The following IL18RAP variants were observed in gnomAD, a reference collection of about 807,000 sequenced individuals.
IL18RAP encodes the protein interleukin 18 receptor accessory protein.
A neutral mutation model predicts 58.1 loss-of-function variants in IL18RAP; 37 were observed. The ratio of observed to expected loss-of-function variants is 0.64; its 90% CI spans 0.49 to 0.84. The LOEUF is 0.84. Among genes scored for constraint, IL18RAP ranks in the 40% least tolerant of loss-of-function variants. IL18RAP has a pLI of 0.00. For missense variants in IL18RAP, 667 were observed against 704.8 expected, an observed-to-expected ratio of 0.95 and a Z score of 0.61; for synonymous variants, 268 against 257.5, an observed-to-expected ratio of 1.04 and a Z score of -0.39.
At chr2:102,441,481 G>C in intron 5 of IL18RAP, 104 bp downstream of exon 5, 1 of 874,608 alleles carries the variant, frequency 1.1e-6, no homozygotes, top group South Asian at 1.5e-5. Flanking sequence ...AACAGAATTG[G>C]GTGTGAATCT....
chr2:102,422,726 T>C (rs1198386783), upstream of IL18RAP, among the ~76,000 whole-genome samples: 1 of 152,146 alleles, frequency 6.6e-6, no homozygotes, highest in Non-Finnish European at 1.5e-5. Flanking sequence ...GAGAGGTAGG[T>C]GGCCTCTATT....
chr2:102,423,326 A>T lies in IL18RAP; in HGVS notation c.49A>T (p.Ile17Phe). ...TCTTTGGCTTGTTGCAGGAGAGCGA[A>T]TTAAAGGATTTAATATTTCAGGTAG... Reference protein sequence around the residue: ...IFLWLVAGERIKGFNISGCST... With the variant: ...IFLWLVAGERFKGFNISGCST... The change falls in exon 1 of 10, where the codon ATT (isoleucine) becomes TTT (phenylalanine). Residue 17 changes from isoleucine (I) to phenylalanine (F), a missense_variant. Coordinates refer to ENST00000687160, the MANE Select transcript of IL18RAP (RefSeq NM_001393487.1). The T allele has an allele frequency of 6.2e-7, 1 of 1,614,060 alleles. No individual in the cohort carries two copies. The highest frequency in any genetic ancestry group is 2.2e-5 in the East Asian group (1 of 44,892).
At position 102,450,893 on chromosome 2, in the gene IL18RAP, C is replaced by A. The variant is rs1683720684; in HGVS notation, c.1256C>A (p.Ser419Tyr). 6.2e-7 allele frequency: 1 copy of A among 1,610,404 alleles called. No homozygotes were observed. Among genetic ancestry groups the A allele is most frequent in the East Asian group, 2.2e-5 (1 of 44,844 alleles). The change falls in exon 9 of 10, where the codon TCT (serine) becomes TAT (tyrosine). Residue 419 changes from serine to tyrosine, a missense_variant. By Grantham distance (144) the Ser-to-Tyr change is moderately radical. Transcript: ENST00000687160. Reference protein sequence around the residue: ...DAFVSYAKWSSFPSEATSSLS... With the variant: ...DAFVSYAKWSYFPSEATSSLS... ...TTCGTATCCTATGCAAAATGGAGCT[C>A]TTTTCCAAGTGAGGCCACTTCATCT...
rs1683833960 is a variant in IL18RAP, at chr2:102,452,486, G to C, written c.*305G>C. On this transcript the variant is annotated 3_prime_UTR_variant, in exon 10 of 10. Coordinates refer to ENST00000687160, the MANE Select transcript of IL18RAP (RefSeq NM_001393487.1). ...TACAGCTACTTCTGCCTTATGGCTA[G>C]GGAACTGTCATGTCTACCATGTATT... The C allele has an allele frequency of 3.0e-6, 1 of 332,478 alleles. No homozygotes were observed. The highest frequency in any genetic ancestry group is 9.2e-5 in the South Asian group (1 of 10,858). 20.6% of individuals were successfully genotyped at this position (332,478 alleles called of 1,614,324 possible).
intron 3 of IL18RAP, among the ~76,000 whole-genome samples, chr2:102,428,789 C>T (rs2104311581): frequency 6.6e-6 from 1 of 151,850 alleles, no homozygotes; most frequent in Non-Finnish European, 1.5e-5. Context: ...TTAATCTGTT[C>T]TTAGAGGAAA....
chr2:102,449,342 C>A (rs1377669005), intron 8 of IL18RAP, among the ~76,000 whole-genome samples: 9 of 152,088 alleles, frequency 5.9e-5, no homozygotes, highest in Non-Finnish European at 1.2e-4. Context: ...ACTAGAAATC[C>A]TTAAGAGAAA....
chr2:102,418,816 A>G (rs1300017740), upstream of IL18RAP: 1 of 152,354 alleles, frequency 6.6e-6, no homozygotes, highest in Non-Finnish European at 1.5e-5. Context: ...GAAGAAATAT[A>G]GTAGAACCCT....
chr2:102,451,778 A>G lies in IL18RAP; in HGVS notation c.1397A>G (p.Asp466Gly). 3 of 1,611,068 alleles carry G rather than the reference A, an allele frequency of 1.9e-6. No homozygotes were observed. Among genetic ancestry groups the G allele is most frequent in the Non-Finnish European group, 1.7e-6 (2 of 1,177,868 alleles). The change falls in exon 10 of 10, where the codon GAC becomes GGC. Residue 466 changes from aspartate to glycine, a missense_variant. Physicochemically the swap from Asp to Gly is moderately conservative, Grantham distance 94. Transcript: ENST00000687160. Reference protein sequence around the residue: ...DVAPGGVYAEDIVSIIKRSRR... With the variant: ...DVAPGGVYAEGIVSIIKRSRR... ...GTTTTATTTCCAGTGTATGCAGAAG[A>G]CATTGTGAGCATTATTAAGAGAAGC...
upstream of IL18RAP, among the ~76,000 whole-genome samples, chr2:102,421,487 A>T (rs572363517): frequency 1.2e-3 from 190 of 152,224 alleles, 2 homozygotes; most frequent in African/African-American, 4.5e-3. Flanking sequence ...CTGGTGGTGG[A>T]GTTGGAGGAC....
At chr2:102,437,186 T>C in intron 3 of IL18RAP, 26 bp from the exon 4 acceptor site, 1 of 1,581,292 alleles carries the variant, frequency 6.3e-7, no homozygotes, top group Non-Finnish European at 8.6e-7. Flanking sequence ...GGCAAATTTA[T>C]CTGCTTAAAA....
At chr2:102,441,753 G>A (rs1023170238) in intron 5 of IL18RAP, among the ~76,000 whole-genome samples, 3 of 151,840 alleles carry the variant, frequency 2.0e-5, no homozygotes, top group Middle Eastern at 3.2e-3. Flanking sequence ...CCGGGCGTGG[G>A]TGTGGGTGCC....
chr2:102,436,035 A>G (rs1044413636), intron 3 of IL18RAP, among the ~76,000 whole-genome samples: 1 of 152,168 alleles, frequency 6.6e-6, no homozygotes, highest in South Asian at 2.1e-4. Context: ...TAATTGTATT[A>G]TTAGAATGGG....
chr2:102,423,966 A>G lies in IL18RAP; in HGVS notation c.226A>G (p.Ser76Gly). The change falls in exon 2 of 10, where the codon AGT becomes GGT. Residue 76 changes from serine (S) to glycine (G), a missense_variant. Ser to Gly is a moderately conservative substitution (Grantham distance 56). Coordinates refer to ENST00000687160, the MANE Select transcript of IL18RAP (RefSeq NM_001393487.1). ...QVPEHLPFMGSNDLSDVQWYQ... is the reference protein window; with the variant it reads ...QVPEHLPFMGGNDLSDVQWYQ... ...CCCTGAGCACCTGCCCTTCATGGGT[A>G]GTAACGACCTATCTGATGTCCAATG... 1 of 1,614,106 alleles carries G rather than the reference A, an allele frequency of 6.2e-7. No homozygotes were observed. Among genetic ancestry groups the G allele is most frequent in the Non-Finnish European group, 8.5e-7 (1 of 1,180,000 alleles).
intron 9 of IL18RAP, 69 bp downstream of exon 9, chr2:102,451,090 T>G: frequency 7.8e-7 from 1 of 1,287,316 alleles, no homozygotes; most frequent in Non-Finnish European, 1.1e-6. Context: ...CAAGTCTTTT[T>G]TGTCATTCTT....
At position 102,423,950 on chromosome 2, in the gene IL18RAP, C is replaced by T. The variant is rs1217804211; in HGVS notation, c.210C>T (p.His70=). 3 of 1,614,100 alleles carry T rather than the reference C, an allele frequency of 1.9e-6. No homozygotes were observed. Among genetic ancestry groups the T allele is most frequent in the Admixed American group, 1.7e-5 (1 of 59,990 alleles). ...NRLSPKQVPE[H]LPFMGSNDLS... is the part of the protein sequence containing the mutation. ...TCTCACCAAAACAAGTCCCTGAGCA[C>T]CTGCCCTTCATGGGTAGTAACGACC... The change falls in exon 2 of 10, where the codon CAC becomes CAT. Residue 70 remains histidine, a synonymous_variant. Coordinates refer to ENST00000687160, the MANE Select transcript of IL18RAP (RefSeq NM_001393487.1).
intron 5 of IL18RAP, 30 bp downstream of exon 5, chr2:102,441,407 C>T (rs372881659): frequency 7.1e-5 from 111 of 1,563,690 alleles, no homozygotes; most frequent in Admixed American, 5.0e-4. Context: ...CTTTGAATGA[C>T]ATCGTGCTGC....
intron 3 of IL18RAP, chr2:102,435,282 C>A (rs1354931417): frequency 6.6e-6 from 1 of 152,104 alleles, no homozygotes; most frequent in Admixed American, 6.6e-5. Context: ...GAGTGTGAGT[C>A]CTGATCCAGG....
At chr2:102,419,191 A>T (rs1681421663), upstream of IL18RAP, among the ~76,000 whole-genome samples, 1 of 152,226 alleles carries the variant, frequency 6.6e-6, no homozygotes, top group Non-Finnish European at 1.5e-5. Context: ...AGGAAGGGCT[A>T]AGAGCAGAGA....
In IL18RAP at chr2:102,445,201, T is replaced by C; in HGVS notation, c.933T>C (p.Thr311=). ...TCTCCTTTCTCAGTATTAAATCCAC[T>C]TTAAAGGATGAAATCATTGAGCGTA... The part of the protein sequence containing the change: ...SVPEAKSIKS[T]LKDEIIERNI... The change falls in exon 7 of 10, where the codon ACT becomes ACC. Residue 311 remains threonine (T), a synonymous_variant. Transcript: ENST00000687160. The C allele has an allele frequency of 6.2e-7, 1 of 1,613,928 alleles. No homozygotes were observed. Among genetic ancestry groups the C allele is most frequent in the Non-Finnish European group, 8.5e-7 (1 of 1,179,812 alleles).
Sources: gnomAD v4.1 joint callset for allele counts (sites outside exome capture counted in the v4.1 genomes callset) on GRCh38, gnomAD v4.1.1 for gene constraint, MANE v1.5 for transcripts, NCBI Gene and HGNC (gene_info 2026-07-23, HGNC 2026-07-21) for gene names.